RASEF: variants seen among roughly 807,000 people sequenced by gnomAD.
RASEF encodes the protein RAS and EF-hand domain containing, also known as ras and EF-hand domain-containing protein.
Under a neutral mutation model 90.1 loss-of-function variants are expected in RASEF, and 68 were observed. The observed-to-expected ratio is 0.75, with a 90% confidence interval of 0.62 to 0.92. The LOEUF is 0.92. RASEF is among the 40% of genes least tolerant of loss of function. The probability of loss-of-function intolerance (pLI) is 0.00; values close to 1 mark genes in which losing one functional copy is unlikely to be tolerated. For missense variants in RASEF, 949 were observed against 937.2 expected (o/e 1.01, Z -0.16); for synonymous variants, 331 against 345.2 (o/e 0.96, Z 0.46).
At chr9:82,990,708 T>C (rs1828797903) in intron 15 of RASEF, among the ~76,000 whole-genome samples, 1 of 152,354 alleles carries the variant, frequency 6.6e-6, no homozygotes, top group African/African-American at 2.4e-5. Flanking sequence ...GAATATTTCA[T>C]GTTTGAAGGT....
intron 7 of RASEF, 44 bp downstream of exon 7, chr9:83,007,393 C>G (rs1399748128): frequency 1.4e-6 from 2 of 1,448,252 alleles, no homozygotes; most frequent in East Asian, 4.5e-5. Flanking sequence ...AACTAAAAAA[C>G]AAGTGAAATG....
At chr9:83,019,164 G>A (rs1001359314) in intron 3 of RASEF, among the ~76,000 whole-genome samples, 49 of 152,030 alleles carry the variant, frequency 3.2e-4, no homozygotes, top group Non-Finnish European at 6.8e-4. Context: ...ACTGTTAGGA[G>A]AATGAAAAGA....
the RASEF span, among the ~76,000 whole-genome samples, chr9:83,175,135 G>A: frequency 6.6e-6 from 1 of 151,988 alleles, no homozygotes; most frequent in Non-Finnish European, 1.5e-5. Context: ...TGTCCTAATT[G>A]TTCTAGCTAT....
the RASEF span, among the ~76,000 whole-genome samples, chr9:83,106,168 C>T: frequency 2.0e-5 from 3 of 152,172 alleles, no homozygotes; most frequent in Non-Finnish European, 2.9e-5. Flanking sequence ...AAATGCTGCT[C>T]CATACACTAA....
the RASEF span, among the ~76,000 whole-genome samples, chr9:83,160,581 C>T: frequency 6.6e-6 from 1 of 152,084 alleles, no homozygotes; most frequent in Admixed American, 6.6e-5. Flanking sequence ...AAATTTGCAG[C>T]CTGACAATGC....
At chr9:83,065,092 C>CA (rs1564093906), upstream of RASEF, among the ~76,000 whole-genome samples, 1 of 152,066 alleles carries the variant, frequency 6.6e-6, no homozygotes, top group Admixed American at 6.6e-5. Flanking sequence ...AAAACAAAAA[C>CA]AAAAAACACA....
At chr9:83,177,862 T>G in the RASEF span, among the ~76,000 whole-genome samples, 62 of 152,016 alleles carry the variant, frequency 4.1e-4, no homozygotes, top group Non-Finnish European at 8.2e-4. Context: ...TTTTTTCTAG[T>G]TCTTTCTCTC....
the RASEF span, among the ~76,000 whole-genome samples, chr9:83,096,158 T>C: frequency 7.9e-5 from 12 of 152,312 alleles, no homozygotes; most frequent in African/African-American, 2.6e-4. Context: ...AGATGAAACA[T>C]ACCAGTGCAA....
At chr9:83,107,139 G>A in the RASEF span, among the ~76,000 whole-genome samples, 1 of 152,110 alleles carries the variant, frequency 6.6e-6, no homozygotes, top group African/African-American at 2.4e-5. Context: ...TTTCCTCAAA[G>A]CCAATGACCT....
chr9:83,074,956 C>T, the RASEF span, among the ~76,000 whole-genome samples: 1 of 151,984 alleles, frequency 6.6e-6, no homozygotes, highest in Non-Finnish European at 1.5e-5. Flanking sequence ...TGGTAGAATG[C>T]AGGAAGACTG....
the RASEF span, among the ~76,000 whole-genome samples, chr9:83,131,721 A>G: frequency 0.056 from 8,509 of 152,224 alleles, 286 homozygotes; most frequent in South Asian, 0.1. Flanking sequence ...TACAGCATTA[A>G]CTCTCTCTGA....
At chr9:83,017,321 TAAAAAAAAAAAA>T (rs1174147161) in intron 3 of RASEF, among the ~76,000 whole-genome samples, 1 of 128,222 alleles carries the variant, frequency 7.8e-6, no homozygotes, top group South Asian at 2.4e-4. Flanking sequence ...TCGTCTCTAC[TAAAAAAAAAAAA>T]AAAAAAAAAG....
chr9:83,156,031 T>C, the RASEF span, among the ~76,000 whole-genome samples: 1 of 152,192 alleles, frequency 6.6e-6, no homozygotes, highest in Non-Finnish European at 1.5e-5. Flanking sequence ...ATAATATCTC[T>C]TTTGAAGACT....
chr9:83,177,456 G>A, the RASEF span, among the ~76,000 whole-genome samples: 1 of 152,042 alleles, frequency 6.6e-6, no homozygotes, highest in Non-Finnish European at 1.5e-5. Context: ...TTGGAAGATT[G>A]TCTCCTGGAT....
chr9:83,218,528 TAGG>T, the RASEF span, among the ~76,000 whole-genome samples: 1 of 151,710 alleles, frequency 6.6e-6, no homozygotes, highest in African/African-American at 2.4e-5. Flanking sequence ...ACCGTGGGGG[TAGG>T]ACCTGACTAG....
intron 5 of RASEF, among the ~76,000 whole-genome samples, chr9:83,011,901 T>C (rs917678396): frequency 1.3e-5 from 2 of 152,174 alleles, no homozygotes; most frequent in African/African-American, 4.8e-5. Context: ...ACTCATTTCT[T>C]AGCTCTGCAG....
chr9:83,038,126 AT>A lies in RASEF; in HGVS notation c.432-12206del, dbSNP rs534022472. On this transcript the variant is annotated intron_variant, in intron 1 of 16. Coordinates refer to ENST00000376447, the MANE Select transcript of RASEF (RefSeq NM_152573.4). ...CTAAGTATTGGAAAACATTTAAAGA[AT>A]CATAAACGAACACAACTTGGTAAGT... Among the ~76,000 whole-genome samples the A allele has an allele frequency of 1.8e-3, 269 of 152,232 alleles. 2 individuals are homozygous for A. Among genetic ancestry groups the A allele is most frequent in the African/African-American group, 6.0e-3 (249 of 41,576 alleles).
At chr9:82,983,236 G>A (rs1828650439) in intron 16 of RASEF, among the ~76,000 whole-genome samples, 1 of 151,580 alleles carries the variant, frequency 6.6e-6, no homozygotes, top group South Asian at 2.1e-4. Context: ...TAACACTCTG[G>A]AACCAGGTTT....
chr9:83,214,452 T>C, the RASEF span, among the ~76,000 whole-genome samples: 1 of 152,022 alleles, frequency 6.6e-6, no homozygotes, highest in Admixed American at 6.6e-5. Flanking sequence ...GATTCTAGAG[T>C]CAGGCAAACA....
Sources: gnomAD v4.1 joint callset for allele counts (sites outside exome capture counted in the v4.1 genomes callset) on GRCh38, gnomAD v4.1.1 for gene constraint, MANE v1.5 for transcripts, NCBI Gene and HGNC (gene_info 2026-07-23, HGNC 2026-07-21) for gene names.